The following SEMA6D variants were observed in gnomAD, a reference collection of about 807,000 sequenced individuals.
SEMA6D encodes the protein semaphorin-6D.
In SEMA6D, 35 loss-of-function variants were observed where a neutral mutation model predicts 106.6. The ratio of observed to expected loss-of-function variants is 0.33; its 90% CI spans 0.25 to 0.44. The LOEUF (loss-of-function observed/expected upper bound fraction) is 0.44. Among genes scored for constraint, SEMA6D ranks in the 20% least tolerant of loss-of-function variants. The pLI is 1.00. For synonymous variants in SEMA6D, 499 were observed against 487.7 expected (o/e 1.02, Z -0.31); for missense variants, 1,185 against 1,345.9 (o/e 0.88, Z 1.87).
intron 4 of SEMA6D, among the ~76,000 whole-genome samples, chr15:47,627,222 C>T (rs900037898): frequency 1.3e-5 from 2 of 152,130 alleles, no homozygotes; most frequent in Non-Finnish European, 2.9e-5. Flanking sequence ...AAAGCCAGTT[C>T]ATCTTTGCCT....
intron 3 of SEMA6D, among the ~76,000 whole-genome samples, chr15:47,552,870 AT>A (rs1566882897): frequency 7.4e-5 from 4 of 54,054 alleles, no homozygotes; most frequent in African/African-American, 4.6e-4. Flanking sequence ...ATATATTTTT[AT>A]ATATATATAA....
intron 3 of SEMA6D, among the ~76,000 whole-genome samples, chr15:47,564,286 G>C (rs2046165522): frequency 6.6e-6 from 1 of 152,178 alleles, no homozygotes; most frequent in Non-Finnish European, 1.5e-5. Context: ...TGAGGAAAGT[G>C]GTGGTATTGA....
intron 3 of SEMA6D, among the ~76,000 whole-genome samples, chr15:47,474,657 C>G (rs2042952698): frequency 6.6e-6 from 1 of 152,148 alleles, no homozygotes; most frequent in Admixed American, 6.6e-5. Context: ...TTGCTACATG[C>G]AAAGAGGCAC....
chr15:47,730,744 C>A, intron 1 of SEMA6D: 8 of 1,601,632 alleles, frequency 5.0e-6, no homozygotes, highest in Middle Eastern at 2.1e-4. Context: ...AGCTCTCTGC[C>A]GCTGCAACCT....
At chr15:47,619,937 T>G (rs1022229438) in intron 4 of SEMA6D, among the ~76,000 whole-genome samples, 1 of 141,800 alleles carries the variant, frequency 7.1e-6, no homozygotes, top group Non-Finnish European at 1.6e-5. Flanking sequence ...TTAGATTTTA[T>G]TATTTTAATT....
chr15:47,188,724 G>A (rs1893742383), intron 1 of SEMA6D, among the ~76,000 whole-genome samples: 1 of 152,000 alleles, frequency 6.6e-6, no homozygotes, highest in Non-Finnish European at 1.5e-5. Flanking sequence ...TTCAATTGTG[G>A]AAGAAGGCAG....
intron 2 of SEMA6D, among the ~76,000 whole-genome samples, chr15:47,465,017 T>A (rs970270699): frequency 6.6e-6 from 1 of 152,168 alleles, no homozygotes; most frequent in East Asian, 1.9e-4. Flanking sequence ...TAGAATACTC[T>A]GTTTCTCTCC....
intron 4 of SEMA6D, among the ~76,000 whole-genome samples, chr15:47,621,678 T>C (rs1221157696): frequency 6.6e-6 from 1 of 152,126 alleles, no homozygotes; most frequent in East Asian, 1.9e-4. Context: ...CCCCACCCTC[T>C]CTGCACAGGA....
intron 1 of SEMA6D, among the ~76,000 whole-genome samples, chr15:47,362,871 A>G (rs1339563324): frequency 6.6e-6 from 1 of 152,162 alleles, no homozygotes; most frequent in Non-Finnish European, 1.5e-5. Flanking sequence ...TCCAAAGGCA[A>G]CAGTGTCATG....
chr15:47,624,792 A>G (rs2077172617), intron 4 of SEMA6D, among the ~76,000 whole-genome samples: 3 of 152,186 alleles, frequency 2.0e-5, no homozygotes, highest in African/African-American at 7.2e-5. Flanking sequence ...TTTGGCTGGG[A>G]AGGGAATTTT....
At chr15:47,291,573 TG>T (rs1225339312) in intron 1 of SEMA6D, among the ~76,000 whole-genome samples, 1 of 152,152 alleles carries the variant, frequency 6.6e-6, no homozygotes, top group Non-Finnish European at 1.5e-5. Context: ...CAGTTTTCTA[TG>T]GGAATTCTAG....
chr15:47,239,798 TG>T (rs1200594530), intron 1 of SEMA6D, among the ~76,000 whole-genome samples: 1 of 152,186 alleles, frequency 6.6e-6, no homozygotes, highest in Non-Finnish European at 1.5e-5. Flanking sequence ...AAGTTGTATG[TG>T]TAACACACGA....
intron 1 of SEMA6D, chr15:47,730,587 C>T (rs116672515): frequency 1.4e-5 from 21 of 1,522,194 alleles, no homozygotes; most frequent in East Asian, 2.3e-5. Context: ...GCTTTCTTCT[C>T]GGCCCAGGCC....
chr15:47,263,668 G>A (rs62014038), intron 1 of SEMA6D, among the ~76,000 whole-genome samples: 1,804 of 151,894 alleles, frequency 0.012, 34 homozygotes, highest in Admixed American at 0.013. Flanking sequence ...GCGATTCCCC[G>A]AAGACTTAAT....
chr15:47,658,661 T>G (rs1385255310), intron 4 of SEMA6D, among the ~76,000 whole-genome samples: 3 of 152,194 alleles, frequency 2.0e-5, no homozygotes, highest in African/African-American at 7.2e-5. Context: ...CAGTCTGTCA[T>G]TTTCTAGTGT....
intron 11 of SEMA6D, 79 bp downstream of exon 11, chr15:47,764,384 C>T: frequency 6.6e-7 from 1 of 1,508,978 alleles, no homozygotes; most frequent in Non-Finnish European, 8.9e-7. Flanking sequence ...CAGGGAGCAG[C>T]TTGGCCAACC....
intron 4 of SEMA6D, among the ~76,000 whole-genome samples, chr15:47,661,987 C>A (rs959361317): frequency 6.6e-6 from 1 of 152,164 alleles, no homozygotes; most frequent in African/African-American, 2.4e-5. Context: ...TCCTTCCCAG[C>A]CGGTTGTTAC....
intron 1 of SEMA6D, among the ~76,000 whole-genome samples, chr15:47,360,685 G>A (rs1542673): frequency 0.63 from 96,420 of 152,062 alleles, 31,637 homozygotes; most frequent in Non-Finnish European, 0.72. Flanking sequence ...TTTAGGAGGT[G>A]TCCATTCTCC....
At chr15:47,391,287 G>A (rs1413082372) in intron 1 of SEMA6D, among the ~76,000 whole-genome samples, 1 of 152,144 alleles carries the variant, frequency 6.6e-6, no homozygotes, top group African/African-American at 2.4e-5. Context: ...CAGGCCTCTT[G>A]TCTACCACTG....
Sources: gnomAD v4.1 joint callset for allele counts (sites outside exome capture counted in the v4.1 genomes callset) on GRCh38, gnomAD v4.1.1 for gene constraint, MANE v1.5 for transcripts, NCBI Gene and HGNC (gene_info 2026-07-23, HGNC 2026-07-21) for gene names.